Variants in ASTN2 observed in about 807,000 individuals in gnomAD.
ASTN2 encodes astrotactin-2.
Under a neutral mutation model 139.8 loss-of-function variants are expected in ASTN2, and 54 were observed. That is an observed-to-expected ratio of 0.39 (90% CI 0.31 to 0.48). ASTN2 has a LOEUF of 0.48. Among genes scored for constraint, ASTN2 ranks in the 20% least tolerant of loss-of-function variants. The pLI, the probability that ASTN2 is intolerant of heterozygous loss-of-function variation, is 0.95. For missense variants in ASTN2, 1,565 were observed against 1,725.1 expected (o/e 0.91, Z 1.64); for synonymous variants, 756 against 719.5 (o/e 1.05, Z -0.81).
chr9:116,596,262 G>A (rs1854572063), intron 19 of ASTN2, among the ~76,000 whole-genome samples: 1 of 152,210 alleles, frequency 6.6e-6, no homozygotes, highest in Non-Finnish European at 1.5e-5. Context: ...TAGAGTGATG[G>A]TTTCCAGGTG....
At chr9:117,154,587 A>C (rs1830393161) in intron 3 of ASTN2, among the ~76,000 whole-genome samples, 1 of 152,068 alleles carries the variant, frequency 6.6e-6, no homozygotes, top group Non-Finnish European at 1.5e-5. Context: ...AAAGTTTGCA[A>C]TATTATCACT....
chr9:116,526,497 C>T (rs1249481825), intron 19 of ASTN2, among the ~76,000 whole-genome samples: 3 of 151,952 alleles, frequency 2.0e-5, no homozygotes, highest in African/African-American at 7.3e-5. Context: ...TGGCTCATGC[C>T]TGTAATCCCA....
At chr9:117,307,488 C>T (rs755098747) in intron 1 of ASTN2, among the ~76,000 whole-genome samples, 1 of 152,172 alleles carries the variant, frequency 6.6e-6, no homozygotes, top group African/African-American at 2.4e-5. Context: ...TATGCACATA[C>T]GTATGTGAAA....
chr9:116,969,202 G>A (rs1836111044), intron 10 of ASTN2, among the ~76,000 whole-genome samples: 1 of 152,236 alleles, frequency 6.6e-6, no homozygotes, highest in East Asian at 1.9e-4. Context: ...CCAAAGAGAG[G>A]CACCATAGCT....
chr9:116,429,339 GAAA>G (rs34731241), intron 22 of ASTN2, among the ~76,000 whole-genome samples: 6 of 90,854 alleles, frequency 6.6e-5, no homozygotes, highest in African/African-American at 2.3e-4. Context: ...AACTCTATCT[GAAA>G]AAAAAAAAAA....
intron 13 of ASTN2, among the ~76,000 whole-genome samples, chr9:116,764,153 T>C (rs1447663160): frequency 1.3e-5 from 2 of 152,202 alleles, no homozygotes; most frequent in Non-Finnish European, 2.9e-5. Flanking sequence ...GAGGCTGTGA[T>C]GCTCCGGCCA....
intron 3 of ASTN2, among the ~76,000 whole-genome samples, chr9:117,189,696 C>A (rs1032096843): frequency 1.3e-5 from 2 of 152,090 alleles, no homozygotes; most frequent in Non-Finnish European, 2.9e-5. Context: ...TGAAACTGGA[C>A]CCCGGTGTGT....
At chr9:116,802,235 C>T (rs530672907) in intron 13 of ASTN2, among the ~76,000 whole-genome samples, 10 of 151,908 alleles carry the variant, frequency 6.6e-5, no homozygotes, top group South Asian at 6.3e-4. Flanking sequence ...AACAGGCAGC[C>T]GCCACCACGC....
At chr9:116,510,744 A>G (rs913010779) in intron 19 of ASTN2, among the ~76,000 whole-genome samples, 1 of 151,920 alleles carries the variant, frequency 6.6e-6, no homozygotes, top group African/African-American at 2.4e-5. Flanking sequence ...ATTCCTAGGT[A>G]TTTTATTCTC....
At chr9:117,233,927 GC>G (rs1832970557) in intron 2 of ASTN2, among the ~76,000 whole-genome samples, 1 of 152,146 alleles carries the variant, frequency 6.6e-6, no homozygotes, top group African/African-American at 2.4e-5. Context: ...CAAATAAAAT[GC>G]ACATTTGATA....
intron 10 of ASTN2, among the ~76,000 whole-genome samples, chr9:116,878,684 C>T (rs1034149765): frequency 6.6e-6 from 1 of 151,988 alleles, no homozygotes; most frequent in African/African-American, 2.4e-5. Context: ...ATGTCCTGTA[C>T]ATGTATTCCA....
chr9:116,676,649 T>G (rs1364929751), intron 16 of ASTN2, among the ~76,000 whole-genome samples: 1 of 152,242 alleles, frequency 6.6e-6, no homozygotes, highest in African/African-American at 2.4e-5. Context: ...TTTTGAGCAG[T>G]TAAAAGCCTT....
chr9:117,049,365 T>C lies in ASTN2; in HGVS notation c.1277-9400A>G, dbSNP rs1286570007. Among the ~76,000 whole-genome samples the C allele has an allele frequency of 1.2e-4, 19 of 152,276 alleles. No homozygotes were observed. In the East Asian group the frequency reaches 3.5e-3, roughly 28 times the overall value. On this transcript the variant is annotated intron_variant, in intron 5 of 22. Coordinates refer to ENST00000313400, the MANE Select transcript of ASTN2 (RefSeq NM_001365068.1). ...CTGGTATTAAAATCCCTAAAAGTCT[T>C]TGCATTACATTCTGTTTAACAGGAT... is the stretch of plus-strand genomic sequence containing the variant.
At chr9:117,137,498 A>G (rs1243346611) in intron 4 of ASTN2, among the ~76,000 whole-genome samples, 1 of 152,180 alleles carries the variant, frequency 6.6e-6, no homozygotes, top group Non-Finnish European at 1.5e-5. Context: ...GAGCATTTCC[A>G]AAATTCTGTT....
chr9:117,101,973 G>C (rs1180100424), intron 4 of ASTN2, among the ~76,000 whole-genome samples: 5 of 152,148 alleles, frequency 3.3e-5, no homozygotes, highest in Non-Finnish European at 7.3e-5. Context: ...CACTTTGGTG[G>C]TTCCTTAAGA....
intron 19 of ASTN2, among the ~76,000 whole-genome samples, chr9:116,527,707 C>G (rs974652546): frequency 1.3e-5 from 2 of 152,122 alleles, no homozygotes; most frequent in East Asian, 3.9e-4. Flanking sequence ...TTCTAATCCC[C>G]ATGTGTTGGG....
intron 11 of ASTN2, among the ~76,000 whole-genome samples, chr9:116,863,183 CTT>C (rs749644552): frequency 2.1e-4 from 32 of 152,172 alleles, no homozygotes; most frequent in Admixed American, 1.2e-3. Context: ...CCAGCTGAAA[CTT>C]TCTCTTCCGG....
At chr9:117,389,349 C>T (rs543273960) in intron 1 of ASTN2, among the ~76,000 whole-genome samples, 3 of 152,216 alleles carry the variant, frequency 2.0e-5, no homozygotes, top group South Asian at 2.1e-4. Context: ...CTTGACCAAG[C>T]GATCACTAAC....
At chr9:116,682,041 A>C (rs1269805144) in intron 16 of ASTN2, among the ~76,000 whole-genome samples, 2 of 151,782 alleles carry the variant, frequency 1.3e-5, no homozygotes, top group Non-Finnish European at 2.9e-5. Context: ...TAATTAAACT[A>C]AAGAGCTTCT....
Sources: gnomAD v4.1 joint callset for allele counts (sites outside exome capture counted in the v4.1 genomes callset) on GRCh38, gnomAD v4.1.1 for gene constraint, MANE v1.5 for transcripts, NCBI Gene and HGNC (gene_info 2026-07-23, HGNC 2026-07-21) for gene names.